The following ASCC1 variants were observed in gnomAD, a reference collection of about 807,000 sequenced individuals.
ASCC1 encodes the protein activating signal cointegrator 1 complex subunit 1.
ASCC1 carries 35 observed loss-of-function variants against 46.6 expected under a neutral mutation model. The observed-to-expected ratio is 0.75, with a 90% CI of 0.57 to 0.99. ASCC1 has a LOEUF of 0.99. Ranked by LOEUF, ASCC1 falls within the 50% of genes least tolerant of loss-of-function variation. The pLI, the probability that ASCC1 is intolerant of heterozygous loss-of-function variation, is 0.00. For missense variants in ASCC1, 376 were observed against 428.7 expected (o/e 0.88, Z 1.09); for synonymous variants, 143 against 146.6 (o/e 0.98, Z 0.18).
intron 5 of ASCC1, among the ~76,000 whole-genome samples, chr10:72,165,384 G>A (rs1850212625): frequency 6.6e-6 from 1 of 152,184 alleles, no homozygotes; most frequent in African/African-American, 2.4e-5. Context: ...CCAAAGTGCT[G>A]GGATTACAGG....
intron 7 of ASCC1, among the ~76,000 whole-genome samples, chr10:72,135,803 G>A (rs754379033): frequency 1.4e-4 from 21 of 152,180 alleles, no homozygotes; most frequent in Non-Finnish European, 2.6e-4. Context: ...TCTGGTATAA[G>A]GGAATCAAAG....
intron 5 of ASCC1, among the ~76,000 whole-genome samples, chr10:72,176,669 G>A (rs1027945515): frequency 3.9e-5 from 6 of 151,970 alleles, no homozygotes; most frequent in African/African-American, 1.5e-4. Flanking sequence ...ACTCTCTATA[G>A]GATATTACAT....
intron 9 of ASCC1, among the ~76,000 whole-genome samples, chr10:72,123,840 C>T (rs1481224995): frequency 1.3e-5 from 2 of 152,160 alleles, no homozygotes; most frequent in Non-Finnish European, 2.9e-5. Context: ...GCAGGCTCCA[C>T]TCTTTGACCT....
In ASCC1 at chr10:72,172,826, T is replaced by C. The variant is rs1303639402; in HGVS notation, c.490-11152A>G. ...ATTTTTATATTATATATAATATATA[T>C]TTTATATTTTTATATTATATATAAT... On this transcript the variant is annotated intron_variant, in intron 5 of 9. Coordinates refer to ENST00000672957, the MANE Select transcript of ASCC1 (RefSeq NM_001198800.3). Among the ~76,000 whole-genome samples, 3 of 133,090 alleles carry C rather than the reference T, an allele frequency of 2.3e-5. No individual in the cohort carries two copies. In the East Asian group the frequency reaches 6.0e-4, roughly 27 times the overall value. The allele number at this position is 133,090 out of a possible 152,430, so 87.3% of individuals were successfully genotyped here. A position where few individuals can be genotyped will look rare whatever the true frequency, so the allele number is the denominator to read the frequency against.
intron 5 of ASCC1, among the ~76,000 whole-genome samples, chr10:72,181,835 G>A (rs1167707217): frequency 6.6e-6 from 1 of 151,966 alleles, no homozygotes; most frequent in Non-Finnish European, 1.5e-5. Context: ...ATAAACGTGT[G>A]CCACCACACC....
chr10:72,149,959 G>A (rs141707351), intron 7 of ASCC1, among the ~76,000 whole-genome samples: 14 of 152,246 alleles, frequency 9.2e-5, no homozygotes, highest in African/African-American at 2.9e-4. Context: ...GCCGAGGCAG[G>A]TGGATCACGT....
chr10:72,204,323 C>T, intron 3 of ASCC1: 1 of 1,399,658 alleles, frequency 7.1e-7, no homozygotes. Context: ...CAACAGCGAG[C>T]TACAGCCAAC....
chr10:72,151,395 T>A (rs990590767), intron 7 of ASCC1, among the ~76,000 whole-genome samples: 1 of 145,216 alleles, frequency 6.9e-6, no homozygotes, highest in African/African-American at 2.6e-5. Context: ...AATTGAACAA[T>A]GAGAACACTT....
At chr10:72,170,056 G>A (rs1353248982) in intron 5 of ASCC1, among the ~76,000 whole-genome samples, 5 of 151,950 alleles carry the variant, frequency 3.3e-5, no homozygotes, top group Non-Finnish European at 5.9e-5. Flanking sequence ...GGAGGAAGAC[G>A]TTGCAGTGAG....
chr10:72,121,468 GAC>G (rs1212072080), intron 9 of ASCC1, among the ~76,000 whole-genome samples: 1 of 148,088 alleles, frequency 6.8e-6, no homozygotes, highest in African/African-American at 2.5e-5. Flanking sequence ...TAAATATAAA[GAC>G]ACACAGAGAT....
intron 9 of ASCC1, among the ~76,000 whole-genome samples, chr10:72,123,834 G>A (rs966228644): frequency 6.6e-6 from 1 of 152,070 alleles, no homozygotes; most frequent in African/African-American, 2.4e-5. Flanking sequence ...TGGGAGGCAG[G>A]CTCCACTCTT....
chr10:72,197,066 C>T (rs1473503031), intron 4 of ASCC1, 77 bp from the exon 5 acceptor site: 2 of 1,411,170 alleles, frequency 1.4e-6, no homozygotes, highest in South Asian at 1.2e-5. Flanking sequence ...GATACTGTCA[C>T]CTCTGAGGAG....
rs140213436 is a variant in ASCC1 at position 72,103,018 on chromosome 10, G to A, written c.958-5568C>T. ...GATCAAAGTGAACTAGAAATATGTA[G>A]GTATTGACAACAACAGTAATAAAGA... On this transcript the variant is annotated intron_variant, in intron 9 of 9. Transcript: ENST00000672957. 1,115 of 437,370 alleles carry A rather than the reference G, an allele frequency of 2.5e-3. 15 individuals are homozygous for A. The highest frequency in any genetic ancestry group is 0.021 in the African/African-American group (1,012 of 48,466). The allele number at this position is 437,370 out of a possible 1,614,324, so 27.1% of individuals were successfully genotyped here.
intron 9 of ASCC1, among the ~76,000 whole-genome samples, chr10:72,108,869 T>C (rs1039478959): frequency 6.6e-6 from 1 of 152,176 alleles, no homozygotes; most frequent in Non-Finnish European, 1.5e-5. Context: ...AGAAGGTTTA[T>C]CAGGTACTCT....
At chr10:72,101,821 T>C (rs1841797267) in intron 9 of ASCC1, among the ~76,000 whole-genome samples, 1 of 152,018 alleles carries the variant, frequency 6.6e-6, no homozygotes, top group African/African-American at 2.4e-5. Flanking sequence ...GAGGGTGATG[T>C]TGAGTGTCTC....
chr10:72,152,815 A>C (rs1187695902), intron 7 of ASCC1, 54 bp downstream of exon 7: 1 of 1,608,222 alleles, frequency 6.2e-7, no homozygotes, highest in Non-Finnish European at 8.5e-7. Context: ...CAAACTTTTG[A>C]GGATGCTTTT....
intron 3 of ASCC1, among the ~76,000 whole-genome samples, chr10:72,205,113 T>C (rs572765896): frequency 8.3e-4 from 126 of 152,306 alleles, no homozygotes; most frequent in Middle Eastern, 3.4e-3. Flanking sequence ...TTCAAGGCTA[T>C]GGTGAGCTAT....
intron 6 of ASCC1, among the ~76,000 whole-genome samples, chr10:72,155,403 G>A (rs1330443479): frequency 6.6e-6 from 1 of 152,140 alleles, no homozygotes; most frequent in Non-Finnish European, 1.5e-5. Flanking sequence ...TTGCTTCTGG[G>A]AGAAGTGAAT....
At chr10:72,211,162 T>C (rs562927559) in intron 2 of ASCC1, among the ~76,000 whole-genome samples, 86 of 152,336 alleles carry the variant, frequency 5.6e-4, no homozygotes, top group African/African-American at 2.0e-3. Flanking sequence ...TCCAAAACTA[T>C]TACTACAATA....
Sources: gnomAD v4.1 joint callset for allele counts (sites outside exome capture counted in the v4.1 genomes callset) on GRCh38, gnomAD v4.1.1 for gene constraint, MANE v1.5 for transcripts, NCBI Gene and HGNC (gene_info 2026-07-23, HGNC 2026-07-21) for gene names.